The following STIM1 variants were observed in gnomAD, a reference collection of about 807,000 sequenced individuals.
STIM1 encodes stromal interaction molecule 1.
A neutral mutation model predicts 74.7 loss-of-function variants in STIM1; 25 were observed. That is an observed-to-expected ratio of 0.33 (90% CI 0.24 to 0.47). The LOEUF is 0.47. STIM1 is among the 20% of genes least tolerant of loss of function. STIM1 has a pLI of 1.00. For missense variants in STIM1, 728 were observed against 920.8 expected, an observed-to-expected ratio of 0.79 and a Z score of 2.71; for synonymous variants, 328 against 348.8, an observed-to-expected ratio of 0.94 and a Z score of 0.66.
chr11:3,967,479 A>T, intron 1 of STIM1, 73 bp from the exon 2 acceptor site: 5 of 1,610,702 alleles, frequency 3.1e-6, no homozygotes, highest in Non-Finnish European at 4.2e-6. Flanking sequence ...GAAGCTAAGG[A>T]TGCTGACACA....
intron 5 of STIM1, among the ~76,000 whole-genome samples, chr11:4,060,222 G>A (rs924148018): frequency 6.6e-5 from 10 of 152,078 alleles, no homozygotes; most frequent in African/African-American, 1.9e-4. Context: ...GTTAACCAAG[G>A]GGGAGCAAAA....
At chr11:3,875,934 C>T (rs1441997858) in intron 1 of STIM1, among the ~76,000 whole-genome samples, 3 of 152,020 alleles carry the variant, frequency 2.0e-5, no homozygotes, top group Non-Finnish European at 4.4e-5. Context: ...TAAATAAGGA[C>T]GCAACATTCC....
At chr11:3,871,612 C>G (rs2091099708) in intron 1 of STIM1, among the ~76,000 whole-genome samples, 1 of 152,160 alleles carries the variant, frequency 6.6e-6, no homozygotes, top group African/African-American at 2.4e-5. Context: ...TATTTTGTAG[C>G]TTCTGTCTTA....
intron 1 of STIM1, among the ~76,000 whole-genome samples, chr11:3,887,063 A>G (rs1442534423): frequency 6.6e-6 from 1 of 151,982 alleles, no homozygotes; most frequent in Non-Finnish European, 1.5e-5. Context: ...ATATATCCAG[A>G]GGTGAAACAA....
chr11:4,012,074 T>C (rs1825064577), intron 2 of STIM1, among the ~76,000 whole-genome samples: 2 of 152,194 alleles, frequency 1.3e-5, no homozygotes, highest in African/African-American at 4.8e-5. Context: ...TTCTGTTCCA[T>C]TGGTCGAGAT....
At chr11:3,970,074 C>CTTTTT (rs145136493) in intron 2 of STIM1, among the ~76,000 whole-genome samples, 19 of 139,074 alleles carry the variant, frequency 1.4e-4, no homozygotes, top group Non-Finnish European at 2.3e-4. Flanking sequence ...GCTCCTCATC[C>CTTTTT]TTTTTTTTTT....
At chr11:3,862,756 C>G (rs970635587) in intron 1 of STIM1, among the ~76,000 whole-genome samples, 27 of 151,770 alleles carry the variant, frequency 1.8e-4, no homozygotes, top group African/African-American at 6.5e-4. Context: ...AAGTAGTCCC[C>G]TCTTATCTGT....
intron 2 of STIM1, among the ~76,000 whole-genome samples, chr11:4,015,670 T>C (rs1469141383): frequency 6.6e-6 from 1 of 152,230 alleles, no homozygotes; most frequent in Non-Finnish European, 1.5e-5. Context: ...CCCTGTCACT[T>C]TCAGGTACAC....
intron 1 of STIM1, among the ~76,000 whole-genome samples, chr11:3,918,526 ACT>A (rs2092677829): frequency 1.1e-5 from 1 of 87,998 alleles, no homozygotes; most frequent in Non-Finnish European, 2.2e-5. Flanking sequence ...ACAGTCAGAC[ACT>A]GTCTCAAAAA....
At chr11:4,049,280 T>C (rs963461900) in intron 3 of STIM1, among the ~76,000 whole-genome samples, 3 of 152,006 alleles carry the variant, frequency 2.0e-5, no homozygotes, top group African/African-American at 7.2e-5. Context: ...AATAGGACTT[T>C]CTACAGGCAT....
At chr11:3,996,958 T>A (rs2135883046) in intron 2 of STIM1, among the ~76,000 whole-genome samples, 1 of 152,344 alleles carries the variant, frequency 6.6e-6, no homozygotes, top group East Asian at 1.9e-4. Context: ...GGGGAAATAT[T>A]TTCTAATTAG....
chr11:3,872,155 C>T (rs978405827), intron 1 of STIM1, among the ~76,000 whole-genome samples: 14 of 152,054 alleles, frequency 9.2e-5, no homozygotes, highest in Admixed American at 2.0e-4. Context: ...TGGGTTCAAG[C>T]GATTCCTGTA....
At position 4,053,655 on chromosome 11, in the gene STIM1, C is replaced by T. The variant is rs566963802; in HGVS notation, c.386-1871C>T. ...AAATGACAAGTTAATGGGTGCAGCA[C>T]ACCAACATGGCACATGTATAGATAT... On this transcript the variant is annotated intron_variant, in intron 3 of 12. Coordinates refer to ENST00000526596, the MANE Select transcript of STIM1 (RefSeq NM_001382567.1). Among the ~76,000 whole-genome samples the T allele has an allele frequency of 2.6e-5, 4 of 151,914 alleles. No individual in the cohort carries two copies. The East Asian group carries it at 7.7e-4, about 29-fold the overall frequency.
rs573369436 is a variant in STIM1, at chr11:4,054,247, G to C, written c.386-1279G>C. ...TAGATTCTGTCCTGAAAAGGGTTGG[G>C]CCTCACCTAACTGGCCAGAGCAACC... On this transcript the variant is annotated intron_variant, in intron 3 of 12. Transcript: ENST00000526596. Among the ~76,000 whole-genome samples the C allele has an allele frequency of 2.6e-5, 4 of 152,244 alleles. No individual in the cohort carries two copies. The South Asian group carries it at 8.3e-4, about 32-fold the overall frequency.
chr11:3,922,402 C>T (rs1172508746), intron 1 of STIM1, among the ~76,000 whole-genome samples: 1 of 151,688 alleles, frequency 6.6e-6, no homozygotes, highest in African/African-American at 2.4e-5. Context: ...GCCTTTTTGC[C>T]CAGTTTTCCA....
intron 1 of STIM1, among the ~76,000 whole-genome samples, chr11:3,895,608 C>CTCTTTCTTTCTTTCTTTCTTTCTT (rs1157112648): frequency 3.8e-5 from 2 of 53,120 alleles, no homozygotes; most frequent in African/African-American, 1.1e-4. Context: ...TTCTTTCTCT[C>CTCTTTCTTTCTTTCTTTCTTTCTT]TCTTTCTTTC....
chr11:3,894,595 G>T (rs191291425), intron 1 of STIM1, among the ~76,000 whole-genome samples: 89 of 152,252 alleles, frequency 5.8e-4, no homozygotes, highest in East Asian at 4.6e-3. Context: ...AAAGGGCCTG[G>T]CTGGTCAGGC....
chr11:4,017,190 A>G (rs1040450851), intron 2 of STIM1, among the ~76,000 whole-genome samples: 4 of 152,108 alleles, frequency 2.6e-5, no homozygotes, highest in Middle Eastern at 3.2e-3. Flanking sequence ...AGCTGTTCCT[A>G]TTTGGCCATC....
At chr11:3,865,560 G>A (rs910852379) in intron 1 of STIM1, among the ~76,000 whole-genome samples, 5 of 152,194 alleles carry the variant, frequency 3.3e-5, no homozygotes, top group African/African-American at 1.2e-4. Context: ...AGAAAAAGAA[G>A]CCCAGCAATA....
Sources: allele counts gnomAD v4.1 joint callset (sites outside exome capture counted in the v4.1 genomes callset), GRCh38; gene constraint gnomAD v4.1.1; transcripts MANE v1.5; gene names NCBI Gene and HGNC (gene_info 2026-07-23, HGNC 2026-07-21).